The following JAM3 variants were observed in gnomAD, a reference collection of about 807,000 sequenced individuals.
JAM3 encodes the protein junctional adhesion molecule 3.
A neutral mutation model predicts 39.4 loss-of-function variants in JAM3; 31 were observed. The ratio of observed to expected loss-of-function variants is 0.79; its 90% confidence interval spans 0.59 to 1.06. The LOEUF (loss-of-function observed/expected upper bound fraction) is 1.06. JAM3 is among the 50% of genes least tolerant of loss of function. The probability of loss-of-function intolerance (pLI) is 0.00; values close to 1 mark genes in which losing one functional copy is unlikely to be tolerated. For missense variants in JAM3, 455 were observed against 391.4 expected, an observed-to-expected ratio of 1.16 and a Z score of -1.37; for synonymous variants, 182 against 148.7, an observed-to-expected ratio of 1.22 and a Z score of -1.63.
intron 1 of JAM3, among the ~76,000 whole-genome samples, chr11:134,137,137 G>C (rs1037534965): frequency 1.3e-5 from 2 of 150,370 alleles, no homozygotes; most frequent in Non-Finnish European, 2.9e-5. Context: ...AGAAGAAGAA[G>C]TATAAAGCAT....
intron 1 of JAM3, among the ~76,000 whole-genome samples, chr11:134,107,612 A>G (rs1217809555): frequency 6.6e-6 from 1 of 152,208 alleles, no homozygotes; most frequent in East Asian, 1.9e-4. Context: ...CTATATTCGA[A>G]AAGAAGAAAG....
intron 5 of JAM3, chr11:134,145,370 G>C (rs1409135920): frequency 2.7e-6 from 1 of 371,438 alleles, no homozygotes; most frequent in African/African-American, 2.1e-5. Context: ...AAGGTATTGT[G>C]GTTACGATTT....
chr11:134,148,685 G>A lies in JAM3; in HGVS notation c.842+9G>A, dbSNP rs1208687186. The A allele has an allele frequency of 1.9e-6, 3 of 1,613,980 alleles. No homozygotes were observed. The highest frequency in any genetic ancestry group is 2.7e-5 in the African/African-American group (2 of 74,898). ...AAACAGGATGGAGAAAGGTGAGCCTGCCTTATGTGAAAAAAGGGAAGTTCA... is the reference window on the plus strand; with the variant it reads ...AAACAGGATGGAGAAAGGTGAGCCTACCTTATGTGAAAAAAGGGAAGTTCA... On this transcript the variant is annotated intron_variant, in intron 7 of 8. Coordinates refer to ENST00000299106, the MANE Select transcript of JAM3 (RefSeq NM_032801.5).
intron 1 of JAM3, among the ~76,000 whole-genome samples, chr11:134,101,905 A>G (rs1232241399): frequency 6.6e-6 from 1 of 152,076 alleles, no homozygotes; most frequent in Non-Finnish European, 1.5e-5. Context: ...CATTTTTACA[A>G]AAAATTTAAA....
At position 134,148,878 on chromosome 11, in the gene JAM3, C is replaced by T. The variant is rs183001343; in HGVS notation, c.897+60C>T. 9.6e-6 allele frequency: 15 copies of T among 1,555,164 alleles called. No individual in the cohort carries two copies. The East Asian group carries it at 2.7e-4, about 28-fold the overall frequency. ...CCCAGCAGGGAAAACAACATTCCCC[C>T]TTGGAAACCACACGGGTCTCCTGGG... On this transcript the variant is annotated intron_variant, in intron 8 of 8. Transcript: ENST00000299106.
At chr11:134,139,980 C>G in intron 2 of JAM3, 64 bp downstream of exon 2, 1 of 1,254,526 alleles carries the variant, frequency 8.0e-7, no homozygotes, top group Non-Finnish European at 1.2e-6. Context: ...TGTCTTGCAG[C>G]CAACTCAGGA....
intron 7 of JAM3, 36 bp from the exon 8 acceptor site, chr11:134,148,725 TAAC>T (rs753300699): frequency 6.2e-7 from 1 of 1,614,028 alleles, no homozygotes; most frequent in Non-Finnish European, 8.5e-7. Flanking sequence ...GGCAATAATA[TAAC>T]AACCCTGTTG....
intron 1 of JAM3, among the ~76,000 whole-genome samples, chr11:134,114,949 A>G (rs1210091320): frequency 6.6e-6 from 1 of 152,204 alleles, no homozygotes; most frequent in African/African-American, 2.4e-5. Flanking sequence ...GAAATCTCGA[A>G]CAAAGAATCC....
intron 5 of JAM3, chr11:134,145,202 A>T (rs1943050002): frequency 3.3e-6 from 2 of 613,036 alleles, no homozygotes; most frequent in Non-Finnish European, 5.8e-6. Context: ...GAAGAGAAAG[A>T]AACCATAGAT....
intron 1 of JAM3, among the ~76,000 whole-genome samples, chr11:134,074,128 A>G (rs4936220): frequency 0.2 from 30,219 of 152,216 alleles, 3,541 homozygotes; most frequent in East Asian, 0.36. Context: ...CTGTATGATT[A>G]CGATTACACA....
chr11:134,084,388 A>T (rs1379931931), intron 1 of JAM3, among the ~76,000 whole-genome samples: 1 of 152,212 alleles, frequency 6.6e-6, no homozygotes, highest in Non-Finnish European at 1.5e-5. Context: ...CCTTATCTAT[A>T]AAAGAGTAGT....
At position 134,149,336 on chromosome 11, in the gene JAM3, C is replaced by A; in HGVS notation, c.*155C>A. The A allele has an allele frequency of 1.3e-6, 1 of 785,272 alleles. No homozygotes were observed. Among genetic ancestry groups the A allele is most frequent in the Non-Finnish European group, 2.1e-6 (1 of 467,530 alleles). The allele number at this position is 785,272 out of a possible 1,614,324, so 48.6% of individuals were successfully genotyped here. A position where few individuals can be genotyped will look rare whatever the true frequency, so the allele number is the denominator to read the frequency against. On this transcript the variant is annotated 3_prime_UTR_variant, in exon 9 of 9. Coordinates refer to ENST00000299106, the MANE Select transcript of JAM3 (RefSeq NM_032801.5). ...CCAAAGTTGACCACTACTCTTCTTA[C>A]TCTAACAAGCCACATGAATAGAAGA...
In JAM3 at chr11:134,129,511, C is replaced by A. The variant is rs1196757002; in HGVS notation, c.77-10340C>A. Reference sequence around the variant, plus strand: ...TTAATTACTGTCTCAAATTTAAAGCCTTTAAATTTGAAACTTGCTATTCTC... The same window carrying A: ...TTAATTACTGTCTCAAATTTAAAGCATTTAAATTTGAAACTTGCTATTCTC... On this transcript the variant is annotated intron_variant, in intron 1 of 8. Coordinates refer to ENST00000299106, the MANE Select transcript of JAM3 (RefSeq NM_032801.5). 2.0e-5 allele frequency among the ~76,000 whole-genome samples: 3 copies of A among 152,128 alleles called. No individual in the cohort carries two copies. In the East Asian group the frequency reaches 5.8e-4, roughly 29 times the overall value.
chr11:134,112,789 C>G (rs2120734922), intron 1 of JAM3, among the ~76,000 whole-genome samples: 1 of 152,304 alleles, frequency 6.6e-6, no homozygotes, highest in Admixed American at 6.5e-5. Flanking sequence ...TTGCCTTGCC[C>G]AAACTTAAGA....
At chr11:134,081,741 G>A (rs180809319) in intron 1 of JAM3, among the ~76,000 whole-genome samples, 49 of 152,202 alleles carry the variant, frequency 3.2e-4, no homozygotes, top group Non-Finnish European at 6.0e-4. Flanking sequence ...TCCCTACTGG[G>A]GTACTGCCTA....
At chr11:134,134,398 CAAAAAAAAA>C (rs34729848) in intron 1 of JAM3, among the ~76,000 whole-genome samples, 3 of 31,922 alleles carry the variant, frequency 9.4e-5, no homozygotes, top group Admixed American at 4.7e-4. Flanking sequence ...GGATAAATGC[CAAAAAAAAA>C]AAAAAAAAAA....
At chr11:134,125,505 A>G (rs778484188) in intron 1 of JAM3, among the ~76,000 whole-genome samples, 1 of 152,236 alleles carries the variant, frequency 6.6e-6, no homozygotes, top group Non-Finnish European at 1.5e-5. Context: ...ATAAGATTAT[A>G]CAATAAAGCA....
chr11:134,131,040 C>T (rs913520695), intron 1 of JAM3, among the ~76,000 whole-genome samples: 2 of 152,114 alleles, frequency 1.3e-5, no homozygotes, highest in African/African-American at 2.4e-5. Flanking sequence ...TCAAAAGCAG[C>T]CACATGTATG....
chr11:134,123,244 C>A (rs1348706160), intron 1 of JAM3, among the ~76,000 whole-genome samples: 2 of 152,052 alleles, frequency 1.3e-5, no homozygotes, highest in African/African-American at 4.8e-5. Context: ...TTTAAAAGTG[C>A]CCAGGTGGGC....
Sources: gnomAD v4.1 joint callset for allele counts (sites outside exome capture counted in the v4.1 genomes callset) on GRCh38, gnomAD v4.1.1 for gene constraint, MANE v1.5 for transcripts, NCBI Gene and HGNC (gene_info 2026-07-23, HGNC 2026-07-21) for gene names.